The following KCNH1 variants were observed in gnomAD, a reference collection of about 807,000 sequenced individuals.
KCNH1 encodes the protein voltage-gated delayed rectifier potassium channel KCNH1.
In KCNH1, 27 loss-of-function variants were observed where a neutral mutation model predicts 69.2. That is an observed-to-expected ratio of 0.39 (90% CI 0.29 to 0.54). The LOEUF is 0.54. KCNH1 is among the 20% of genes least tolerant of loss of function. The pLI, the probability that KCNH1 is intolerant of heterozygous loss-of-function variation, is 0.68. For missense variants in KCNH1, 798 were observed against 1,261.6 expected, an observed-to-expected ratio of 0.63 and a Z score of 5.57; for synonymous variants, 456 against 487.7, an observed-to-expected ratio of 0.93 and a Z score of 0.86.
chr1:210,994,265 T>C (rs1474209571), intron 6 of KCNH1, among the ~76,000 whole-genome samples: 1 of 152,208 alleles, frequency 6.6e-6, no homozygotes, highest in Admixed American at 6.5e-5. Flanking sequence ...CATGTGATCT[T>C]GATTCACCCA....
At chr1:210,723,908 C>T (rs1682531404) in intron 10 of KCNH1, among the ~76,000 whole-genome samples, 2 of 152,176 alleles carry the variant, frequency 1.3e-5, no homozygotes, top group Non-Finnish European at 1.5e-5. Flanking sequence ...GTGAGATGAG[C>T]ACTCCTTATC....
At chr1:210,901,938 C>A (rs952840922) in intron 7 of KCNH1, among the ~76,000 whole-genome samples, 1 of 152,262 alleles carries the variant, frequency 6.6e-6, no homozygotes, top group African/African-American at 2.4e-5. Flanking sequence ...TTCAAAATAC[C>A]TTTTCCTGGC....
chr1:210,772,623 T>C (rs1683774683), intron 10 of KCNH1, among the ~76,000 whole-genome samples: 1 of 152,178 alleles, frequency 6.6e-6, no homozygotes, highest in African/African-American at 2.4e-5. Flanking sequence ...AGAAGAAAAT[T>C]TGAAGGTCAG....
At chr1:211,114,533 G>A (rs976897244) in intron 1 of KCNH1, among the ~76,000 whole-genome samples, 1 of 152,164 alleles carries the variant, frequency 6.6e-6, no homozygotes, top group African/African-American at 2.4e-5. Context: ...GAATAAACAG[G>A]CTGAGAAAAT....
At chr1:210,856,877 CTATATA>C (rs150446990) in intron 7 of KCNH1, among the ~76,000 whole-genome samples, 3 of 101,732 alleles carry the variant, frequency 2.9e-5, no homozygotes, top group African/African-American at 1.1e-4. Context: ...ATATAACCCA[CTATATA>C]TATATATATA....
chr1:210,919,857 G>A lies in KCNH1; in HGVS notation c.1245C>T (p.Asn415=). The A allele has an allele frequency of 6.2e-7, 1 of 1,614,186 alleles. No individual in the cohort carries two copies. ...IFDEDTKTIR[N]NSWLYQLAMD... ...TCGCTAGTTGGTACAGCCAGCTGTTGTTGCGGATTGTCTTGGTGTCCTCGT... is the reference window on the plus strand; with the variant it reads ...TCGCTAGTTGGTACAGCCAGCTGTTATTGCGGATTGTCTTGGTGTCCTCGT... The change falls in exon 7 of 11, where the codon AAC becomes AAT. Residue 415 remains asparagine, a synonymous_variant. Coordinates refer to ENST00000271751, the MANE Select transcript of KCNH1 (RefSeq NM_172362.3). This position sits in a 1 kb window ranked among gnomAD's most constrained non-coding sequence, Gnocchi z 4.2.
intron 6 of KCNH1, among the ~76,000 whole-genome samples, chr1:210,969,766 G>T (rs12082952): frequency 0.17 from 25,246 of 151,816 alleles, 2,695 homozygotes; most frequent in African/African-American, 0.3. Context: ...TTCATCTTTA[G>T]CTTCCTCCTA....
chr1:210,770,210 G>C (rs1173641434), intron 10 of KCNH1, among the ~76,000 whole-genome samples: 1 of 152,036 alleles, frequency 6.6e-6, no homozygotes, highest in Non-Finnish European at 1.5e-5. Flanking sequence ...TTGGGGTGTG[G>C]GGGGGTCAAG....
intron 7 of KCNH1, among the ~76,000 whole-genome samples, chr1:210,855,266 A>T (rs544809187): frequency 1.3e-5 from 2 of 152,290 alleles, no homozygotes; most frequent in South Asian, 4.1e-4. Context: ...TAAGACACTC[A>T]CTCTCTCACA....
chr1:210,821,009 TA>T (rs1465939079), intron 7 of KCNH1, among the ~76,000 whole-genome samples: 1 of 152,214 alleles, frequency 6.6e-6, no homozygotes, highest in African/African-American at 2.4e-5. Context: ...GTTAATCTAT[TA>T]TAGCGCAATA....
chr1:211,116,767 C>T (rs557708760), intron 1 of KCNH1, among the ~76,000 whole-genome samples: 4 of 152,224 alleles, frequency 2.6e-5, no homozygotes, highest in Admixed American at 6.5e-5. Context: ...TGTGACAGGC[C>T]CTGCCAGACC....
At chr1:210,688,679 T>C (rs1170066016) in intron 10 of KCNH1, among the ~76,000 whole-genome samples, 4 of 152,246 alleles carry the variant, frequency 2.6e-5, no homozygotes, top group Non-Finnish European at 5.9e-5. Context: ...TTTTATTTTT[T>C]GAACTCTTAC....
chr1:211,016,948 C>T (rs921022715), intron 6 of KCNH1, among the ~76,000 whole-genome samples: 1 of 147,020 alleles, frequency 6.8e-6, no homozygotes, highest in African/African-American at 2.5e-5. Flanking sequence ...AAAAAATTCT[C>T]ATTTAAGAAC....
In KCNH1 at chr1:210,740,887, A is replaced by C. The variant is rs576770184; in HGVS notation, c.2112+34461T>G. ...ACAATCACCGTGATGGAGGAATCAC[A>C]CATCATCAGGTAAAGCCAGCTCCAG... is the stretch of plus-strand genomic sequence containing the variant. On this transcript the variant is annotated intron_variant, in intron 10 of 10. Coordinates refer to ENST00000271751, the MANE Select transcript of KCNH1 (RefSeq NM_172362.3). Among the ~76,000 whole-genome samples, 5 of 152,172 alleles carry C rather than the reference A, an allele frequency of 3.3e-5. 1 individual carries two copies. Among genetic ancestry groups the C allele is most frequent in the Non-Finnish European group, 7.3e-5 (5 of 68,032 alleles).
rs533317862 is a variant in KCNH1 at position 210,966,786 on chromosome 1, A to G, written c.1033-46717T>C. On this transcript the variant is annotated intron_variant, in intron 6 of 10. Transcript: ENST00000271751. The stretch of plus-strand genomic sequence containing the variant: ...GTTGGTGGGAGTGTAAATTAGTTCA[A>G]CCATTGTGGAAGACAGTGTGGCAAT... Among the ~76,000 whole-genome samples the G allele has an allele frequency of 7.2e-4, 110 of 152,344 alleles. 1 individual carries two copies. Among genetic ancestry groups the G allele is most frequent in the African/African-American group, 2.5e-3 (105 of 41,586 alleles).
At chr1:210,770,246 C>A (rs1683728208) in intron 10 of KCNH1, among the ~76,000 whole-genome samples, 2 of 152,236 alleles carry the variant, frequency 1.3e-5, no homozygotes, top group South Asian at 4.2e-4. Flanking sequence ...TGGACAAAAA[C>A]CTAATGCACA....
At chr1:210,881,786 G>A (rs921407580) in intron 7 of KCNH1, among the ~76,000 whole-genome samples, 4 of 152,156 alleles carry the variant, frequency 2.6e-5, no homozygotes, top group African/African-American at 9.7e-5. Context: ...ATATGAAAAG[G>A]TTACTTACTG....
intron 1 of KCNH1, among the ~76,000 whole-genome samples, chr1:211,109,721 T>C (rs1691422917): frequency 6.6e-6 from 1 of 150,688 alleles, no homozygotes; most frequent in Non-Finnish European, 1.5e-5. Context: ...AAATTAAAAA[T>C]GTAAAAATCC....
intron 1 of KCNH1, among the ~76,000 whole-genome samples, chr1:211,114,113 G>C (rs1434458253): frequency 6.6e-6 from 1 of 152,050 alleles, no homozygotes; most frequent in Non-Finnish European, 1.5e-5. Context: ...CTGTGGACTG[G>C]AGCCCCACAT....
Sources: allele counts gnomAD v4.1 joint callset (sites outside exome capture counted in the v4.1 genomes callset), GRCh38; gene constraint gnomAD v4.1.1; non-coding constraint Gnocchi (gnomAD v3.1); transcripts MANE v1.5; gene names NCBI Gene and HGNC (gene_info 2026-07-23, HGNC 2026-07-21).